The following PCCA variants were observed in gnomAD, a reference collection of about 807,000 sequenced individuals.
PCCA encodes the protein propionyl-CoA carboxylase alpha chain, mitochondrial.
Under a neutral mutation model 101.3 loss-of-function variants are expected in PCCA, and 74 were observed. The ratio of observed to expected loss-of-function variants is 0.73; its 90% CI spans 0.61 to 0.89. The LOEUF (loss-of-function observed/expected upper bound fraction) is 0.89, where lower values mean the gene tolerates loss of function less well. Among genes scored for constraint, PCCA ranks in the 40% least tolerant of loss-of-function variants. The pLI is 0.00. For synonymous variants in PCCA, 294 were observed against 313.6 expected, an observed-to-expected ratio of 0.94 and a Z score of 0.66; for missense variants, 891 against 907.0, an observed-to-expected ratio of 0.98 and a Z score of 0.23.
intron 19 of PCCA, among the ~76,000 whole-genome samples, chr13:100,396,605 G>A (rs541982171): frequency 3.3e-5 from 5 of 152,262 alleles, no homozygotes; most frequent in South Asian, 2.1e-4. Flanking sequence ...GAGGCTAGGC[G>A]TTCGAGGTTA....
chr13:100,348,793 TTCCTTCCTTC>T (rs1566976754), intron 18 of PCCA, among the ~76,000 whole-genome samples: 22 of 63,392 alleles, frequency 3.5e-4, no homozygotes, highest in Admixed American at 6.5e-4. Flanking sequence ...TCTTTCTTCC[TTCCTTCCTTC>T]CTTCCTTCCT....
At chr13:100,172,791 T>C (rs182239176) in intron 6 of PCCA, among the ~76,000 whole-genome samples, 96 of 152,344 alleles carry the variant, frequency 6.3e-4, no homozygotes, top group Non-Finnish European at 1.1e-3. Context: ...ACTCATTTGC[T>C]CTTCCTAGCA....
chr13:100,169,501 A>G (rs1276342521), intron 6 of PCCA, among the ~76,000 whole-genome samples: 1 of 151,694 alleles, frequency 6.6e-6, no homozygotes. Flanking sequence ...TGCAAGTAGA[A>G]GGCTGAACTC....
intron 19 of PCCA, among the ~76,000 whole-genome samples, chr13:100,402,621 A>G (rs185514232): frequency 1.3e-3 from 196 of 152,286 alleles, no homozygotes; most frequent in African/African-American, 4.3e-3. Flanking sequence ...TGATTGTAAT[A>G]TAAGGCTTAC....
At chr13:100,238,469 T>C (rs566386811) in intron 8 of PCCA, among the ~76,000 whole-genome samples, 1 of 152,326 alleles carries the variant, frequency 6.6e-6, no homozygotes, top group East Asian at 1.9e-4. Context: ...TTCCTGTCCT[T>C]CTTCTAATTC....
chr13:100,308,928 A>T (rs954222699), intron 15 of PCCA, among the ~76,000 whole-genome samples: 3 of 152,216 alleles, frequency 2.0e-5, no homozygotes, highest in African/African-American at 7.2e-5. Flanking sequence ...AGAGATACAT[A>T]TAAGTAGGCA....
Position 100,155,090 on chromosome 13 carries a change from G to A in PCCA, c.412G>A (p.Ala138Thr), listed in dbSNP as rs202247814. 6.3e-7 allele frequency: 1 copy of A among 1,597,622 alleles called. No homozygotes were observed. The highest frequency in any genetic ancestry group is 2.2e-5 in the East Asian group (1 of 44,778). The part of the protein sequence containing the change: ...MEAIKKTRAQ[A>T]VHPGYGFLSE... ...AGCCATTAAGAAAACCAGGGCCCAAGCTGTGAGTCTGAATGAATCTATCTA... is the reference window on the plus strand; with the variant it reads ...AGCCATTAAGAAAACCAGGGCCCAAACTGTGAGTCTGAATGAATCTATCTA... The change falls in exon 5 of 24, where the codon GCT becomes ACT. Residue 138 changes from alanine to threonine, a missense_variant and splice_region_variant. Coordinates refer to ENST00000376285, the MANE Select transcript of PCCA (RefSeq NM_000282.4).
At chr13:100,407,748 C>T (rs756042072) in intron 19 of PCCA, among the ~76,000 whole-genome samples, 7 of 152,118 alleles carry the variant, frequency 4.6e-5, no homozygotes, top group African/African-American at 1.4e-4. Context: ...TCCTTGTAAC[C>T]TTTTGCTAAA....
chr13:100,484,770 G>T (rs1372604771), intron 21 of PCCA, among the ~76,000 whole-genome samples: 1 of 152,142 alleles, frequency 6.6e-6, no homozygotes, highest in Non-Finnish European at 1.5e-5. Flanking sequence ...AGCATTTAGG[G>T]TCTGGGTGGA....
chr13:100,151,046 T>C (rs1471945362), intron 4 of PCCA: 1 of 1,555,932 alleles, frequency 6.4e-7, no homozygotes, highest in Non-Finnish European at 8.8e-7. Context: ...GCGCATGACA[T>C]CAGACTGCTG....
In PCCA at chr13:100,283,928, G is replaced by A. The variant is rs1231204330; in HGVS notation, c.1065+10582G>A. 2.6e-5 allele frequency among the ~76,000 whole-genome samples: 4 copies of A among 151,826 alleles called. No individual in the cohort carries two copies. The East Asian group carries it at 5.8e-4, about 22-fold the overall frequency. On this transcript the variant is annotated intron_variant, in intron 12 of 23. Coordinates refer to ENST00000376285, the MANE Select transcript of PCCA (RefSeq NM_000282.4). ...TGGAAGGTGCACTGCCCCAGAGGAC[G>A]AAGATTCCCTGGGTCAGAAGCCCCC...
intron 19 of PCCA, among the ~76,000 whole-genome samples, chr13:100,378,099 A>G (rs1387482368): frequency 1.3e-5 from 2 of 151,414 alleles, no homozygotes; most frequent in Admixed American, 1.3e-4. Flanking sequence ...AACATTTCTT[A>G]TAGGGCGGAT....
At chr13:100,133,460 A>G (rs1302475107) in intron 4 of PCCA, among the ~76,000 whole-genome samples, 2 of 151,532 alleles carry the variant, frequency 1.3e-5, no homozygotes, top group Non-Finnish European at 2.9e-5. Flanking sequence ...ATGTCTAAGA[A>G]CTCTTTACCT....
intron 6 of PCCA, among the ~76,000 whole-genome samples, chr13:100,185,532 A>G (rs906176137): frequency 1.3e-5 from 2 of 152,060 alleles, no homozygotes; most frequent in African/African-American, 4.8e-5. Context: ...TGTTTTGCAG[A>G]GACAAGGTCT....
chr13:100,319,263 A>C (rs1257816120), intron 16 of PCCA, among the ~76,000 whole-genome samples: 1 of 151,946 alleles, frequency 6.6e-6, no homozygotes, highest in Non-Finnish European at 1.5e-5. Context: ...AGATTGCAAA[A>C]ATTTTCTCCC....
At chr13:100,320,753 C>T (rs946351337) in intron 16 of PCCA, among the ~76,000 whole-genome samples, 1 of 152,012 alleles carries the variant, frequency 6.6e-6, no homozygotes, top group African/African-American at 2.4e-5. Flanking sequence ...ATTTTTGCAT[C>T]GATGTTCATG....
intron 21 of PCCA, among the ~76,000 whole-genome samples, chr13:100,470,434 G>A (rs1335711870): frequency 6.6e-6 from 1 of 152,000 alleles, no homozygotes; most frequent in Admixed American, 6.6e-5. Flanking sequence ...CAGCTGCCTC[G>A]TCTAAATCAA....
intron 6 of PCCA, among the ~76,000 whole-genome samples, chr13:100,208,451 G>A (rs1014463752): frequency 2.0e-5 from 3 of 152,092 alleles, no homozygotes; most frequent in Admixed American, 6.6e-5. Flanking sequence ...GCAGTTAGGC[G>A]CCTTCCTCGA....
intron 4 of PCCA, among the ~76,000 whole-genome samples, chr13:100,137,939 A>C (rs1197882568): frequency 6.6e-6 from 1 of 151,870 alleles, no homozygotes; most frequent in South Asian, 2.1e-4. Flanking sequence ...CCTCCTGAGT[A>C]ACTGGGAACA....
Sources: gnomAD v4.1 joint callset for allele counts (sites outside exome capture counted in the v4.1 genomes callset) on GRCh38, gnomAD v4.1.1 for gene constraint, MANE v1.5 for transcripts, NCBI Gene and HGNC (gene_info 2026-07-23, HGNC 2026-07-21) for gene names.